Variants in GCC2 observed in about 807,000 individuals in gnomAD.
The protein encoded by GCC2 is GRIP and coiled-coil domain containing 2, also known as GRIP and coiled-coil domain-containing protein 2.
GCC2 carries 120 observed loss-of-function variants against 210.6 expected under a neutral mutation model. That is an observed-to-expected ratio of 0.57 (90% confidence interval 0.49 to 0.66). The LOEUF is 0.66. Ranked by LOEUF, GCC2 falls within the 30% of genes least tolerant of loss-of-function variation. The pLI is 0.00. For synonymous variants in GCC2, 703 were observed against 652.7 expected, an observed-to-expected ratio of 1.08 and a Z score of -1.17; for missense variants, 1,868 against 1,871.9, an observed-to-expected ratio of 1.00 and a Z score of 0.04.
Position 108,509,197 on chromosome 2 carries a change from CTT to C in GCC2, c.*1569_*1570del, listed in dbSNP as rs1292964418. On this transcript the variant is annotated 3_prime_UTR_variant, in exon 23 of 23. Coordinates refer to ENST00000309863, the MANE Select transcript of GCC2 (RefSeq NM_181453.4). ...ACTAATCATATTTAAATATATTTCA[CTT>C]TCTCTTTGACTTTAGACCTTTTGAA... 1 of 152,568 alleles carries C rather than the reference CTT, an allele frequency of 6.6e-6. No individual in the cohort carries two copies. The highest frequency in any genetic ancestry group is 1.5e-5 in the Non-Finnish European group (1 of 68,048). The allele number at this position is 152,568 out of a possible 1,614,324, so 9.5% of individuals were successfully genotyped here.
intron 4 of GCC2, among the ~76,000 whole-genome samples, chr2:108,467,648 T>C (rs1041874757): frequency 1.3e-5 from 2 of 152,162 alleles, no homozygotes; most frequent in Non-Finnish European, 2.9e-5. Context: ...TTTAATACAA[T>C]GTGGATTAGC....
chr2:108,472,825 A>G lies in GCC2; in HGVS notation c.2788-2A>G. Reference sequence around the variant, plus strand: ...TGTTTTTTTTTCCCCTGTAAAATCTAGGATTCCTTAGCAAAATCACCTTCT... The same window carrying G: ...TGTTTTTTTTTCCCCTGTAAAATCTGGGATTCCTTAGCAAAATCACCTTCT... On this transcript the variant is annotated splice_acceptor_variant, in intron 6 of 22. Coordinates refer to ENST00000309863, the MANE Select transcript of GCC2 (RefSeq NM_181453.4). LOFTEE classifies it high-confidence loss of function. 1 of 1,559,174 alleles carries G rather than the reference A, an allele frequency of 6.4e-7. No homozygotes were observed. The highest frequency in any genetic ancestry group is 8.8e-7 in the Non-Finnish European group (1 of 1,139,834).
intron 4 of GCC2, among the ~76,000 whole-genome samples, chr2:108,468,096 C>G (rs1195741816): frequency 1.3e-5 from 2 of 149,942 alleles, no homozygotes; most frequent in East Asian, 3.9e-4. Context: ...TAGTCTTGCT[C>G]TGTCACCCAG....
intron 4 of GCC2, among the ~76,000 whole-genome samples, chr2:108,453,253 G>A (rs1261867517): frequency 6.6e-6 from 1 of 152,136 alleles, no homozygotes; most frequent in Non-Finnish European, 1.5e-5. Context: ...TTTGACTTTA[G>A]AGACACTTTA....
At chr2:108,486,712 A>T in intron 16 of GCC2, 64 bp downstream of exon 16, 1 of 1,466,894 alleles carries the variant, frequency 6.8e-7, no homozygotes, top group Non-Finnish European at 9.3e-7. Context: ...TCATTGGTTT[A>T]CTCCAGGGCT....
intron 4 of GCC2, among the ~76,000 whole-genome samples, chr2:108,461,918 C>T (rs1413232924): frequency 4.8e-5 from 7 of 145,998 alleles, no homozygotes; most frequent in Non-Finnish European, 1.0e-4. Context: ...CTGCAAGCTC[C>T]GCCTCCCGGG....
rs1278158453 is a variant in GCC2, at chr2:108,489,827, T to C, written c.4053-11T>C. On this transcript the variant is annotated splice_polypyrimidine_tract_variant and intron_variant, in intron 17 of 22. Transcript: ENST00000309863. ...TTCAAAAAATTTTAAAACTGTGTATTTCTGTTTTAGGGAACATCTGGAAAT... is the reference window on the plus strand; with the variant it reads ...TTCAAAAAATTTTAAAACTGTGTATCTCTGTTTTAGGGAACATCTGGAAAT... 1 of 1,577,096 alleles carries C rather than the reference T, an allele frequency of 6.3e-7. No individual in the cohort carries two copies. Among genetic ancestry groups the C allele is most frequent in the East Asian group, 2.3e-5 (1 of 43,794 alleles).
intron 4 of GCC2, among the ~76,000 whole-genome samples, chr2:108,458,378 T>C (rs995558770): frequency 4.8e-5 from 7 of 146,456 alleles, no homozygotes; most frequent in South Asian, 2.1e-4. Context: ...TGCTTTCTTT[T>C]TTTTTTTTTT....
intron 22 of GCC2, among the ~76,000 whole-genome samples, chr2:108,503,984 C>T (rs1683058664): frequency 6.6e-6 from 1 of 152,046 alleles, no homozygotes; most frequent in South Asian, 2.1e-4. Flanking sequence ...GGCATGTGTC[C>T]ATAGTCCTAG....
intron 2 of GCC2, 122 bp from the exon 3 acceptor site, chr2:108,450,906 T>A: frequency 1.5e-6 from 1 of 663,074 alleles, no homozygotes; most frequent in Non-Finnish European, 2.6e-6. Flanking sequence ...GAACAAAGTA[T>A]GCGGTTGGCA....
intron 10 of GCC2, 84 bp downstream of exon 10, chr2:108,481,900 T>C (rs1296934367): frequency 9.5e-7 from 1 of 1,048,840 alleles, no homozygotes; most frequent in Non-Finnish European, 1.4e-6. Context: ...ATTTAAAAAA[T>C]ATAGTCGGAA....
chr2:108,475,578 TA>T lies in GCC2; in HGVS notation c.2906del (p.Lys969ArgfsTer2). On this transcript the variant is annotated frameshift_variant, in exon 8 of 23. Coordinates refer to ENST00000309863, the MANE Select transcript of GCC2 (RefSeq NM_181453.4). LOFTEE classifies it high-confidence loss of function. Reference protein sequence around the residue: ...ECKEKEEKINKIKLVAVKAKK... With the variant: ...ECKEKEEKINXIKLVAVKAKK... ...GCAAAGAAAAGGAGGAGAAAATAAA[TA>T]AGATAAAATTAGTTGCCGTAAAGGC... 6.5e-7 allele frequency: 1 copy of T among 1,531,966 alleles called. No individual in the cohort carries two copies. Among genetic ancestry groups the T allele is most frequent in the Non-Finnish European group, 8.8e-7 (1 of 1,140,448 alleles). 94.9% of individuals were successfully genotyped at this position (1,531,966 alleles called of 1,614,324 possible). A position where few individuals can be genotyped will look rare whatever the true frequency, so the allele number is the denominator to read the frequency against.
At chr2:108,475,945 AAAC>A in intron 9 of GCC2, 95 bp downstream of exon 9, 2 of 644,634 alleles carry the variant, frequency 3.1e-6, no homozygotes, top group Non-Finnish European at 2.6e-6. Context: ...ATTGTCAACA[AAAC>A]AATCACCTTG....
At chr2:108,481,090 A>C (rs534607755) in intron 9 of GCC2, among the ~76,000 whole-genome samples, 2 of 152,318 alleles carry the variant, frequency 1.3e-5, no homozygotes, top group South Asian at 2.1e-4. Flanking sequence ...TGGATAACCT[A>C]ATTAGCTTGT....
intron 4 of GCC2, 125 bp downstream of exon 4, chr2:108,452,591 A>G (rs942556057): frequency 1.5e-5 from 10 of 659,928 alleles, no homozygotes; most frequent in Non-Finnish European, 2.2e-5. Flanking sequence ...GTTTTTACCT[A>G]TCTGATTCAC....
chr2:108,464,400 G>A (rs1174930019), intron 4 of GCC2, among the ~76,000 whole-genome samples: 1 of 152,204 alleles, frequency 6.6e-6, no homozygotes, highest in Non-Finnish European at 1.5e-5. Context: ...TGGAGGCCAT[G>A]GCACTGTGCT....
At chr2:108,491,695 T>C (rs1039595784) in intron 18 of GCC2, among the ~76,000 whole-genome samples, 2 of 152,180 alleles carry the variant, frequency 1.3e-5, no homozygotes, top group Admixed American at 1.3e-4. Context: ...CTTTTACTTT[T>C]TTCTCTGACG....
Position 108,496,957 on chromosome 2 carries a change from C to G in GCC2, c.4643-13C>G. 1 of 1,592,544 alleles carries G rather than the reference C, an allele frequency of 6.3e-7. No homozygotes were observed. The highest frequency in any genetic ancestry group is 2.3e-5 in the East Asian group (1 of 43,178). The stretch of plus-strand genomic sequence containing the variant: ...TGATTTTGAAAATTAATTCTTGGAA[C>G]AACATGTTGCAGAGCCTCCATTATG... On this transcript the variant is annotated splice_polypyrimidine_tract_variant and intron_variant, in intron 20 of 22. Transcript: ENST00000309863.
chr2:108,461,830 C>CTTT (rs1313525353), intron 4 of GCC2, among the ~76,000 whole-genome samples: 16,842 of 122,152 alleles, frequency 0.14, 1,526 homozygotes, highest in African/African-American at 0.21. Flanking sequence ...TTTTTTTTTT[C>CTTT]TTTTTCTTTT....
Sources: allele counts gnomAD v4.1 joint callset (sites outside exome capture counted in the v4.1 genomes callset), GRCh38; gene constraint gnomAD v4.1.1; transcripts MANE v1.5; gene names NCBI Gene and HGNC (gene_info 2026-07-23, HGNC 2026-07-21).